CDH12: variants seen among roughly 807,000 people sequenced by gnomAD.
CDH12 encodes cadherin 12, also known as cadherin-12.
A neutral mutation model predicts 74.1 loss-of-function variants in CDH12; 41 were observed. The ratio of observed to expected loss-of-function variants is 0.55; its 90% CI spans 0.43 to 0.72. The LOEUF is 0.72. CDH12 is among the 30% of genes least tolerant of loss of function. The pLI is 0.00. For missense variants in CDH12, 945 were observed against 977.2 expected (o/e 0.97, Z 0.44); for synonymous variants, 399 against 355.0 (o/e 1.12, Z -1.39).
chr5:22,533,109 T>C (rs1440346674), intron 1 of CDH12, among the ~76,000 whole-genome samples: 1 of 152,176 alleles, frequency 6.6e-6, no homozygotes, highest in South Asian at 2.1e-4. Context: ...TTTTTCTTTT[T>C]CCTTCATCCA....
chr5:22,081,325 G>A (rs978971529), intron 4 of CDH12, among the ~76,000 whole-genome samples: 4 of 152,084 alleles, frequency 2.6e-5, no homozygotes, highest in African/African-American at 9.7e-5. Context: ...TTTCAATAAC[G>A]TGTAAGCATG....
chr5:22,447,443 TGTC>T (rs1483906040), intron 2 of CDH12, among the ~76,000 whole-genome samples: 1 of 152,124 alleles, frequency 6.6e-6, no homozygotes, highest in Non-Finnish European at 1.5e-5. Context: ...GCATTGCTAA[TGTC>T]ATCTCATTTT....
At chr5:22,779,779 C>T (rs1032568408) in intron 1 of CDH12, among the ~76,000 whole-genome samples, 1 of 152,136 alleles carries the variant, frequency 6.6e-6, no homozygotes, top group Non-Finnish European at 1.5e-5. Context: ...CTGAGGCCTC[C>T]TCAGCCATGT....
At chr5:22,796,030 GT>G (rs748440766) in intron 1 of CDH12, among the ~76,000 whole-genome samples, 1 of 151,920 alleles carries the variant, frequency 6.6e-6, no homozygotes, top group Non-Finnish European at 1.5e-5. Context: ...ACATGAGTTT[GT>G]TTTTTATGGC....
intron 3 of CDH12, among the ~76,000 whole-genome samples, chr5:22,367,802 AC>A (rs1741096017): frequency 6.6e-6 from 1 of 152,210 alleles, no homozygotes; most frequent in African/African-American, 2.4e-5. Context: ...TCATATTATG[AC>A]CAAAAAATTC....
chr5:22,815,769 C>CAAAAAAAAAAAAAAA (rs34135797), intron 1 of CDH12, among the ~76,000 whole-genome samples: 2 of 97,076 alleles, frequency 2.1e-5, no homozygotes, highest in African/African-American at 4.1e-5. Flanking sequence ...GACTCCGTCT[C>CAAAAAAAAAAAAAAA]AAAAAAAAAA....
At chr5:22,681,158 C>A (rs1284472200) in intron 1 of CDH12, among the ~76,000 whole-genome samples, 1 of 150,884 alleles carries the variant, frequency 6.6e-6, no homozygotes, top group Non-Finnish European at 1.5e-5. Context: ...AGAAAGAATG[C>A]CATGAAATTA....
At position 22,630,436 on chromosome 5, in the gene CDH12, T is replaced by C. The variant is rs143079206; in HGVS notation, c.-522-125072A>G. Among the ~76,000 whole-genome samples the C allele has an allele frequency of 3.6e-3, 547 of 152,142 alleles. 1 individual carries two copies. Among genetic ancestry groups the C allele is most frequent in the African/African-American group, 0.01 (422 of 41,528 alleles). The stretch of plus-strand genomic sequence containing the variant: ...AAAACAAAACAGCATGGTACTGGTA[T>C]GAAAACAGTCATATAGACCCACGGA... On this transcript the variant is annotated intron_variant, in intron 1 of 14. Transcript: ENST00000382254.
chr5:21,880,616 C>CTTCTTTCTCTCTTTCT (rs1752257861), intron 6 of CDH12, among the ~76,000 whole-genome samples: 6 of 50,866 alleles, frequency 1.2e-4, no homozygotes, highest in African/African-American at 3.5e-4. Context: ...TCCTTCCTTC[C>CTTCTTTCTCTCTTTCT]TTCTTTCTTT....
At chr5:22,187,564 A>G (rs1750028698) in intron 4 of CDH12, among the ~76,000 whole-genome samples, 1 of 150,198 alleles carries the variant, frequency 6.7e-6, no homozygotes, top group African/African-American at 2.5e-5. Flanking sequence ...GTGACCACGA[A>G]TGCATTAACC....
intron 1 of CDH12, among the ~76,000 whole-genome samples, chr5:22,753,353 C>G (rs1487035593): frequency 1.3e-5 from 2 of 150,180 alleles, no homozygotes; most frequent in Non-Finnish European, 3.0e-5. Context: ...AGGAGAATGG[C>G]GTGAACCCGG....
intron 5 of CDH12, among the ~76,000 whole-genome samples, chr5:21,995,614 C>T (rs1192123660): frequency 1.3e-5 from 2 of 151,886 alleles, no homozygotes; most frequent in South Asian, 4.2e-4. Context: ...TTTCTCCCCA[C>T]TCCCCTTTCC....
At chr5:22,703,000 AAT>A (rs1473374512) in intron 1 of CDH12, among the ~76,000 whole-genome samples, 1 of 152,134 alleles carries the variant, frequency 6.6e-6, no homozygotes, top group African/African-American at 2.4e-5. Flanking sequence ...AATAAAGATG[AAT>A]TTTACTGTAT....
At chr5:22,276,337 T>C (rs535349570) in intron 3 of CDH12, among the ~76,000 whole-genome samples, 10 of 152,190 alleles carry the variant, frequency 6.6e-5, no homozygotes, top group African/African-American at 2.2e-4. Context: ...AACTTTAAAG[T>C]GTGGAAAAAT....
intron 3 of CDH12, among the ~76,000 whole-genome samples, chr5:22,215,577 A>G (rs1256278193): frequency 1.3e-5 from 2 of 152,138 alleles, no homozygotes; most frequent in African/African-American, 2.4e-5. Context: ...ACTCAAATAT[A>G]ATAATTATTG....
intron 6 of CDH12, chr5:21,883,308 C>T: frequency 6.7e-7 from 1 of 1,495,360 alleles, no homozygotes; most frequent in Non-Finnish European, 9.3e-7. Context: ...ATGTGAATTC[C>T]AGGATGCCTA....
At chr5:22,647,500 T>C (rs1739506437) in intron 1 of CDH12, among the ~76,000 whole-genome samples, 1 of 151,760 alleles carries the variant, frequency 6.6e-6, no homozygotes, top group African/African-American at 2.4e-5. Flanking sequence ...ATGTTCTGTT[T>C]CTGCTGAGGG....
At position 22,594,746 on chromosome 5, in the gene CDH12, C is replaced by T. The variant is rs559129670; in HGVS notation, c.-522-89382G>A. ...TATATTAACTTAAACTTTATGGGGA[C>T]GAAATGATTTGTTTATTGCATCTTG... is the stretch of plus-strand genomic sequence containing the variant. On this transcript the variant is annotated intron_variant, in intron 1 of 14. Coordinates refer to ENST00000382254, the MANE Select transcript of CDH12 (RefSeq NM_004061.5). Among the ~76,000 whole-genome samples, 10 of 152,044 alleles carry T rather than the reference C, an allele frequency of 6.6e-5. No homozygotes were observed. In the South Asian group the frequency reaches 1.2e-3, roughly 19 times the overall value.
rs897314468 is a variant in CDH12 at position 21,976,429 on chromosome 5, C to T, written c.232-1044G>A. Among the ~76,000 whole-genome samples, 59 of 151,050 alleles carry T rather than the reference C, an allele frequency of 3.9e-4. 1 individual carries two copies. The highest frequency in any genetic ancestry group is 1.4e-3 in the African/African-American group (56 of 41,182). On this transcript the variant is annotated intron_variant, in intron 5 of 14. Coordinates refer to ENST00000382254, the MANE Select transcript of CDH12 (RefSeq NM_004061.5). Reference sequence around the variant, plus strand: ...CACAGTCTTAAACGTATATAAATTACGTGTAAATAAATAAATATATACATA... The same window carrying T: ...CACAGTCTTAAACGTATATAAATTATGTGTAAATAAATAAATATATACATA...
Sources: gnomAD v4.1 joint callset for allele counts (sites outside exome capture counted in the v4.1 genomes callset) on GRCh38, gnomAD v4.1.1 for gene constraint, MANE v1.5 for transcripts, NCBI Gene and HGNC (gene_info 2026-07-23, HGNC 2026-07-21) for gene names.